DMD: variants seen among roughly 807,000 people sequenced by gnomAD.
DMD encodes the protein mutant dystrophin.
In DMD, 63 loss-of-function variants were observed where a neutral mutation model predicts 330.1. That is an observed-to-expected ratio of 0.19 (90% CI 0.16 to 0.24). The LOEUF is 0.24. Among genes scored for constraint, DMD ranks in the 10% least tolerant of loss-of-function variants. The pLI, the probability that DMD is intolerant of heterozygous loss-of-function variation, is 1.00. For synonymous variants in DMD, 1,223 were observed against 959.8 expected (o/e 1.27, Z -5.07); for missense variants, 3,344 against 2,684.1 (o/e 1.25, Z -5.43).
chrX:31,493,367 A>G (rs913297347), intron 57 of DMD, among the ~76,000 whole-genome samples: 1 of 112,600 alleles, frequency 8.9e-6, no homozygotes, highest in Non-Finnish European at 1.9e-5. Context: ...GAAGTGTGTA[A>G]AGAAAGATCT....
rs2080500802 is a variant in DMD, at chrX:32,844,771, G to A, written c.264+12C>T. The A allele has an allele frequency of 1.7e-6, 2 of 1,198,917 alleles. No individual in the cohort carries two copies. The highest frequency in any genetic ancestry group is 1.8e-5 in the African/African-American group (1 of 56,915). On this transcript the variant is annotated intron_variant, in intron 4 of 78. Transcript: ENST00000357033. ...GTCACAGCATCCAGACCTTGTCCAGGGTACTACTTACATTATTGTTCTGCA... is the reference window on the plus strand; with the variant it reads ...GTCACAGCATCCAGACCTTGTCCAGAGTACTACTTACATTATTGTTCTGCA...
intron 2 of DMD, among the ~76,000 whole-genome samples, chrX:32,964,632 T>C (rs1354969265): frequency 1.8e-5 from 2 of 110,717 alleles, no homozygotes; most frequent in East Asian, 2.9e-4. Flanking sequence ...TGCTTGAACC[T>C]GGGAGGCAGA....
At chrX:32,574,501 C>G (rs190440881) in intron 13 of DMD, among the ~76,000 whole-genome samples, 33 of 111,880 alleles carry the variant, frequency 2.9e-4, no homozygotes, top group Non-Finnish European at 1.9e-4. Flanking sequence ...CATAAACCAA[C>G]TATCAATGAT....
chrX:33,336,266 T>C (rs1052750996), intron 1 of DMD, among the ~76,000 whole-genome samples: 1 of 108,768 alleles, frequency 9.2e-6, no homozygotes, highest in African/African-American at 3.3e-5. Context: ...TGTGTGTGTG[T>C]GTGTGTGTGT....
intron 47 of DMD, among the ~76,000 whole-genome samples, chrX:31,877,462 G>A (rs1603517849): frequency 8.9e-6 from 1 of 112,147 alleles, no homozygotes; most frequent in Non-Finnish European, 1.9e-5. Context: ...AAATACAGGT[G>A]GTGGCTCCTG....
chrX:31,246,256 A>C (rs1199538533), intron 63 of DMD, among the ~76,000 whole-genome samples: 2 of 112,084 alleles, frequency 1.8e-5, no homozygotes, highest in Non-Finnish European at 3.8e-5. Flanking sequence ...AAAAGAGATG[A>C]GGAAGCTGCA....
intron 27 of DMD, among the ~76,000 whole-genome samples, chrX:32,446,338 A>C (rs2098304369): frequency 9.1e-6 from 1 of 109,686 alleles, no homozygotes; most frequent in Non-Finnish European, 1.9e-5. Context: ...TGATAAAGAA[A>C]CAATAACTTG....
intron 55 of DMD, among the ~76,000 whole-genome samples, chrX:31,572,464 T>C (rs975481080): frequency 8.9e-6 from 1 of 112,029 alleles, no homozygotes; most frequent in East Asian, 2.8e-4. Context: ...ACATTTTTTT[T>C]CCCTAATGGC....
intron 26 of DMD, among the ~76,000 whole-genome samples, chrX:32,450,397 T>G (rs1259835185): frequency 9.0e-6 from 1 of 111,441 alleles, no homozygotes; most frequent in Non-Finnish European, 1.9e-5. Flanking sequence ...TTGAAATCTT[T>G]AGTTCAATAT....
chrX:32,307,069 A>G (rs2097543118), intron 42 of DMD, among the ~76,000 whole-genome samples: 1 of 111,327 alleles, frequency 9.0e-6, no homozygotes, highest in South Asian at 3.7e-4. Context: ...TTCTCTACGT[A>G]AATGCTAACT....
At chrX:32,547,718 G>C (rs1322023002) in intron 16 of DMD, among the ~76,000 whole-genome samples, 3 of 110,919 alleles carry the variant, frequency 2.7e-5, no homozygotes, top group Non-Finnish European at 3.8e-5. Context: ...AGGAAATATA[G>C]ACAGGAGAGG....
intron 55 of DMD, among the ~76,000 whole-genome samples, chrX:31,607,360 G>A (rs1200166665): frequency 8.9e-6 from 1 of 111,975 alleles, no homozygotes; most frequent in Non-Finnish European, 1.9e-5. Flanking sequence ...ATCGCTATAG[G>A]TACTGGAACA....
intron 1 of DMD, among the ~76,000 whole-genome samples, chrX:33,048,817 AG>A (rs781308164): frequency 3.6e-5 from 4 of 110,563 alleles, no homozygotes; most frequent in Non-Finnish European, 5.7e-5. Flanking sequence ...AACTAAAGAA[AG>A]GGGGCACCGC....
intron 60 of DMD, among the ~76,000 whole-genome samples, chrX:31,367,288 C>A (rs1054332776): frequency 9.0e-6 from 1 of 111,264 alleles, no homozygotes; most frequent in Admixed American, 9.6e-5. Flanking sequence ...AAAAATAACG[C>A]CTTTTTTTTC....
At chrX:32,352,777 A>C (rs1442653944) in intron 37 of DMD, among the ~76,000 whole-genome samples, 1 of 110,943 alleles carries the variant, frequency 9.0e-6, no homozygotes, top group African/African-American at 3.3e-5. Context: ...GGGTATAGGA[A>C]AAATTACGGG....
chrX:32,717,473 C>A (rs1332080956), intron 7 of DMD, among the ~76,000 whole-genome samples: 1 of 111,753 alleles, frequency 8.9e-6, no homozygotes, highest in African/African-American at 3.3e-5. Flanking sequence ...TTGAGAGCAT[C>A]CACCTAGATT....
intron 61 of DMD, 124 bp downstream of exon 61, chrX:31,348,432 T>C (rs2058218690): frequency 1.5e-6 from 1 of 650,740 alleles, no homozygotes; most frequent in Non-Finnish European, 2.5e-6. Context: ...GGATGATTTA[T>C]GCTTCTACTG....
intron 44 of DMD, among the ~76,000 whole-genome samples, chrX:32,173,236 C>T (rs955329201): frequency 1.8e-5 from 2 of 109,463 alleles, no homozygotes; most frequent in Admixed American, 9.8e-5. Flanking sequence ...ACAGTAGTAT[C>T]CCAAGAGAGG....
intron 49 of DMD, among the ~76,000 whole-genome samples, chrX:31,831,699 T>C (rs185309922): frequency 2.5e-3 from 276 of 111,098 alleles, no homozygotes; most frequent in African/African-American, 7.5e-3. Context: ...CCCGGGTTCA[T>C]GCCATTCTCC....
Sources: allele counts gnomAD v4.1 joint callset (sites outside exome capture counted in the v4.1 genomes callset), GRCh38; gene constraint gnomAD v4.1.1; transcripts MANE v1.5; gene names NCBI Gene and HGNC (gene_info 2026-07-23, HGNC 2026-07-21).